The following WWOX variants were observed in gnomAD, a reference collection of about 807,000 sequenced individuals.
The protein encoded by WWOX is WW domain-containing oxidoreductase.
In WWOX, 69 loss-of-function variants were observed where a neutral mutation model predicts 46.2. That is an observed-to-expected ratio of 1.49 (90% CI 1.23 to 1.82). WWOX has a LOEUF of 1.82. Among genes scored for constraint, WWOX ranks in the 40% most tolerant of loss-of-function variants. The pLI is 0.00. For synonymous variants in WWOX, 359 were observed against 202.6 expected (o/e 1.77, Z -6.56); for missense variants, 919 against 542.6 (o/e 1.69, Z -6.89).
intron 8 of WWOX, among the ~76,000 whole-genome samples, chr16:78,632,557 ATTTT>A (rs545062752): frequency 2.7e-5 from 2 of 74,752 alleles, no homozygotes; most frequent in African/African-American, 5.6e-5. Flanking sequence ...TACTTGGCCA[ATTTT>A]TTTTTTTTTT....
intron 8 of WWOX, among the ~76,000 whole-genome samples, chr16:79,071,752 G>C (rs771734943): frequency 6.6e-6 from 1 of 152,210 alleles, no homozygotes; most frequent in African/African-American, 2.4e-5. Context: ...TAATTGATCT[G>C]TTGGCCTAAA....
chr16:78,352,903 G>C (rs565096667), intron 5 of WWOX, among the ~76,000 whole-genome samples: 4 of 152,290 alleles, frequency 2.6e-5, no homozygotes, highest in South Asian at 4.1e-4. Flanking sequence ...GGAGTATAGA[G>C]AAAAGATCAA....
chr16:78,241,709 G>A (rs984996146), intron 5 of WWOX, among the ~76,000 whole-genome samples: 1 of 152,240 alleles, frequency 6.6e-6, no homozygotes, highest in Middle Eastern at 3.4e-3. Flanking sequence ...CAAAGTGTTG[G>A]GATTACAGGC....
chr16:78,702,138 G>C (rs1324872710), intron 8 of WWOX, among the ~76,000 whole-genome samples: 1 of 113,344 alleles, frequency 8.8e-6, no homozygotes, highest in Non-Finnish European at 1.6e-5. Flanking sequence ...TTATTTTCAA[G>C]ACATGGTGGC....
chr16:78,864,391 C>T (rs2151195462), intron 8 of WWOX, among the ~76,000 whole-genome samples: 1 of 152,160 alleles, frequency 6.6e-6, no homozygotes, highest in Middle Eastern at 3.4e-3. Context: ...CCTCAGCCTC[C>T]TGAGTAGATG....
At chr16:78,641,804 T>C (rs1272084271) in intron 8 of WWOX, among the ~76,000 whole-genome samples, 2 of 152,228 alleles carry the variant, frequency 1.3e-5, no homozygotes, top group African/African-American at 4.8e-5. Context: ...TTGAAATTAA[T>C]TTCTGCTTTC....
chr16:79,010,286 C>G (rs895910555), intron 8 of WWOX, among the ~76,000 whole-genome samples: 4 of 152,192 alleles, frequency 2.6e-5, no homozygotes, highest in African/African-American at 7.2e-5. Context: ...GAGGGAGACA[C>G]TCACATTAGA....
chr16:78,219,038 G>A (rs986547303), intron 5 of WWOX, among the ~76,000 whole-genome samples: 31 of 152,280 alleles, frequency 2.0e-4, no homozygotes, highest in Admixed American at 1.8e-3. Context: ...AAAGTCATGT[G>A]CAATTTAACA....
At chr16:78,108,151 C>T (rs1002007119) in intron 1 of WWOX, among the ~76,000 whole-genome samples, 2 of 151,388 alleles carry the variant, frequency 1.3e-5, no homozygotes, top group Non-Finnish European at 2.9e-5. Context: ...TGGTCTCCAT[C>T]TCCTGACCTT....
chr16:78,375,832 C>T (rs1396656879), intron 5 of WWOX, among the ~76,000 whole-genome samples: 1 of 149,184 alleles, frequency 6.7e-6, no homozygotes, highest in Non-Finnish European at 1.5e-5. Context: ...ACCGGAGAAA[C>T]AATGAGTAAC....
chr16:78,462,877 C>T (rs2083985103), intron 8 of WWOX, among the ~76,000 whole-genome samples: 1 of 152,164 alleles, frequency 6.6e-6, no homozygotes, highest in African/African-American at 2.4e-5. Context: ...CTGGGTCTTG[C>T]CCTGTCCTTA....
chr16:78,762,391 G>T (rs1481995257), intron 8 of WWOX, among the ~76,000 whole-genome samples: 1 of 152,200 alleles, frequency 6.6e-6, no homozygotes, highest in African/African-American at 2.4e-5. Flanking sequence ...GAGTCTCTTG[G>T]TGACTCGTGT....
At chr16:78,195,948 G>A (rs535349831) in intron 5 of WWOX, among the ~76,000 whole-genome samples, 4 of 152,116 alleles carry the variant, frequency 2.6e-5, no homozygotes, top group Admixed American at 1.3e-4. Context: ...TTTTGAGCCC[G>A]GGAGTGCAAG....
intron 8 of WWOX, among the ~76,000 whole-genome samples, chr16:78,647,422 C>T (rs564966243): frequency 9.2e-5 from 14 of 152,238 alleles, no homozygotes; most frequent in South Asian, 4.2e-4. Context: ...TCTATCATTA[C>T]ACAGATTAGC....
intron 8 of WWOX, among the ~76,000 whole-genome samples, chr16:79,052,699 T>C (rs925454177): frequency 8.5e-5 from 13 of 152,198 alleles, no homozygotes; most frequent in Admixed American, 2.0e-4. Flanking sequence ...TAAATGAGCC[T>C]GTCTCCTTTG....
intron 8 of WWOX, among the ~76,000 whole-genome samples, chr16:78,916,428 T>G (rs1216963577): frequency 6.6e-6 from 1 of 152,208 alleles, no homozygotes; most frequent in Admixed American, 6.5e-5. Context: ...GATTATTCAC[T>G]GGGTATAATT....
Position 78,669,677 on chromosome 16 carries a change from T to C in WWOX, c.1056+236925T>C, listed in dbSNP as rs576914519. Among the ~76,000 whole-genome samples, 9 of 152,352 alleles carry C rather than the reference T, an allele frequency of 5.9e-5. No individual in the cohort carries two copies. The South Asian group carries it at 1.9e-3, about 32-fold the overall frequency. On this transcript the variant is annotated intron_variant, in intron 8 of 8. Transcript: ENST00000566780. ...ACTTGTTTCTGTTCCAAAAGTATTA[T>C]AATTTTTGTTTGAGCTAAAAACTAG...
At chr16:78,799,618 T>C (rs1373659148) in intron 8 of WWOX, among the ~76,000 whole-genome samples, 1 of 2,774 alleles carries the variant, frequency 3.6e-4, no homozygotes, top group East Asian at 0.011. Flanking sequence ...TCACATGGCT[T>C]TGGACGGCCC....
chr16:78,344,437 T>C lies in WWOX; in HGVS notation c.517-42423T>C, dbSNP rs1459817028. 1.6e-5 allele frequency among the ~76,000 whole-genome samples: 2 copies of C among 121,756 alleles called. 1 individual carries two copies. The highest frequency in any genetic ancestry group is 3.9e-5 in the Non-Finnish European group (2 of 50,852). The allele number at this position is 121,756 out of a possible 152,430, so 79.9% of individuals were successfully genotyped here. A position where few individuals can be genotyped will look rare whatever the true frequency, so the allele number is the denominator to read the frequency against. ...ATGATTTCCAGCAAGGAAGATGGAA[T>C]TACCACGAGGAACCTGTTCTCTTAT... is the stretch of plus-strand genomic sequence containing the variant. On this transcript the variant is annotated intron_variant, in intron 5 of 8. Transcript: ENST00000566780.
Sources: gnomAD v4.1 joint callset for allele counts (sites outside exome capture counted in the v4.1 genomes callset) on GRCh38, gnomAD v4.1.1 for gene constraint, MANE v1.5 for transcripts, NCBI Gene and HGNC (gene_info 2026-07-23, HGNC 2026-07-21) for gene names.